Variants in SAMSN1 observed in about 807,000 individuals in gnomAD.
The protein encoded by SAMSN1 is SAM domain, SH3 domain and nuclear localization signals 1.
In SAMSN1, 31 loss-of-function variants were observed where a neutral mutation model predicts 42.0. The ratio of observed to expected loss-of-function variants is 0.74; its 90% confidence interval spans 0.55 to 1.00. The LOEUF (loss-of-function observed/expected upper bound fraction) is 1.00, where lower values mean the gene tolerates loss of function less well. Ranked by LOEUF, SAMSN1 falls within the 50% of genes least tolerant of loss-of-function variation. The probability of loss-of-function intolerance (pLI) is 0.00; values close to 1 mark genes in which losing one functional copy is unlikely to be tolerated. For missense variants in SAMSN1, 464 were observed against 439.4 expected, an observed-to-expected ratio of 1.06 and a Z score of -0.50; for synonymous variants, 178 against 151.9, an observed-to-expected ratio of 1.17 and a Z score of -1.26.
At chr21:14,548,984 T>C (rs1980515430), upstream of SAMSN1, among the ~76,000 whole-genome samples, 1 of 152,170 alleles carries the variant, frequency 6.6e-6, no homozygotes, top group Non-Finnish European at 1.5e-5. Flanking sequence ...TGCTTTACAA[T>C]ACCTTAATGG....
At chr21:14,631,905 A>G (rs1983340160) in intron 2 of SAMSN1, among the ~76,000 whole-genome samples, 1 of 152,122 alleles carries the variant, frequency 6.6e-6, no homozygotes, top group South Asian at 2.1e-4. Flanking sequence ...GTGTAGAAGA[A>G]GGAATAAGAA....
intron 1 of SAMSN1, among the ~76,000 whole-genome samples, chr21:14,647,462 A>G (rs909777272): frequency 6.7e-6 from 1 of 148,176 alleles, no homozygotes; most frequent in Non-Finnish European, 1.5e-5. Flanking sequence ...TTGACTTGGC[A>G]ATGTGGGCTC....
At chr21:14,552,779 T>C (rs1471276618) in intron 2 of SAMSN1, among the ~76,000 whole-genome samples, 2 of 152,146 alleles carry the variant, frequency 1.3e-5, no homozygotes, top group Non-Finnish European at 2.9e-5. Flanking sequence ...AGCTCTCCAA[T>C]TTCTATTTCT....
At chr21:14,506,714 A>G (rs1047047265) in intron 5 of SAMSN1, among the ~76,000 whole-genome samples, 5 of 152,134 alleles carry the variant, frequency 3.3e-5, no homozygotes, top group African/African-American at 4.8e-5. Flanking sequence ...TCACCCTAAT[A>G]CCAAAACCAG....
chr21:14,506,099 C>T (rs1987388749), intron 5 of SAMSN1, among the ~76,000 whole-genome samples: 1 of 150,496 alleles, frequency 6.6e-6, no homozygotes, highest in Admixed American at 6.6e-5. Flanking sequence ...GTGCATAGCC[C>T]TAAACACCTA....
intron 7 of SAMSN1, among the ~76,000 whole-genome samples, chr21:14,493,043 A>G (rs1056638345): frequency 1.3e-5 from 2 of 152,128 alleles, no homozygotes; most frequent in Admixed American, 6.5e-5. Flanking sequence ...CATAAATACA[A>G]ATCTCCCCTG....
chr21:14,626,768 C>A (rs1200694758), intron 2 of SAMSN1, among the ~76,000 whole-genome samples: 3 of 152,162 alleles, frequency 2.0e-5, no homozygotes, highest in Non-Finnish European at 4.4e-5. Context: ...CCAGCCATCC[C>A]ATTACTGGGT....
At chr21:14,641,790 A>G (rs148478024) in intron 2 of SAMSN1, among the ~76,000 whole-genome samples, 2 of 152,292 alleles carry the variant, frequency 1.3e-5, no homozygotes, top group Non-Finnish European at 1.5e-5. Flanking sequence ...GTTTATATGT[A>G]TTAAATTATA....
chr21:14,618,088 T>A (rs759769493), intron 2 of SAMSN1, among the ~76,000 whole-genome samples: 1 of 152,246 alleles, frequency 6.6e-6, no homozygotes, highest in Non-Finnish European at 1.5e-5. Context: ...TTACTATGTA[T>A]GTTGTCACAA....
rs368364591 is a variant in SAMSN1 at position 14,558,378 on chromosome 21, T to TA, written c.261+23757dup. 1.4e-3 allele frequency among the ~76,000 whole-genome samples: 207 copies of TA among 147,760 alleles called. 1 individual carries two copies. The highest frequency in any genetic ancestry group is 8.3e-3 in the East Asian group (42 of 5,064). ...GGAAACACGCATGCTACGAACTATTTAAAAAAAAAACACTTTCAGCTGGGC... is the reference window on the plus strand; with the variant it reads ...GGAAACACGCATGCTACGAACTATTTAAAAAAAAAAACACTTTCAGCTGGGC... On this transcript the variant is annotated intron_variant, in intron 2 of 8. Coordinates refer to the SAMSN1 transcript ENST00000285670.
At chr21:14,542,190 C>A (rs925830175) in intron 1 of SAMSN1, among the ~76,000 whole-genome samples, 1 of 152,162 alleles carries the variant, frequency 6.6e-6, no homozygotes, top group Non-Finnish European at 1.5e-5. Flanking sequence ...TCTCCATAAA[C>A]TTTAGCTGGC....
chr21:14,504,755 G>C (rs1987326206), intron 5 of SAMSN1, among the ~76,000 whole-genome samples: 1 of 152,160 alleles, frequency 6.6e-6, no homozygotes, highest in African/African-American at 2.4e-5. Context: ...CACGAACCTA[G>C]GAAATTCATT....
At chr21:14,631,777 G>A (rs1270904347) in intron 2 of SAMSN1, among the ~76,000 whole-genome samples, 3 of 152,070 alleles carry the variant, frequency 2.0e-5, no homozygotes, top group Non-Finnish European at 4.4e-5. Context: ...ACAGATGTTA[G>A]GCTTGATACT....
At chr21:14,583,689 G>A (rs369485723), upstream of SAMSN1, 59 of 717,444 alleles carry the variant, frequency 8.2e-5, 2 homozygotes, top group East Asian at 1.4e-3. Context: ...TCCAGATTCT[G>A]CACTCTGGCT....
chr21:14,485,845 T>C lies in SAMSN1; in HGVS notation c.*67A>G. 1 of 1,185,710 alleles carries C rather than the reference T, an allele frequency of 8.4e-7. No individual in the cohort carries two copies. Among genetic ancestry groups the C allele is most frequent in the Non-Finnish European group, 1.3e-6 (1 of 796,032 alleles). 73.4% of individuals were successfully genotyped at this position (1,185,710 alleles called of 1,614,324 possible). A position where few individuals can be genotyped will look rare whatever the true frequency, so the allele number is the denominator to read the frequency against. The stretch of plus-strand genomic sequence containing the variant: ...TATTTATCTTATCTTCCTCTCCTAT[T>C]TGACGTTTTAGCTCAAGAAGAGTTA... On this transcript the variant is annotated 3_prime_UTR_variant, in exon 8 of 8. Coordinates refer to ENST00000400566, the MANE Select transcript of SAMSN1 (RefSeq NM_022136.5).
intron 6 of SAMSN1, among the ~76,000 whole-genome samples, chr21:14,600,176 T>G (rs150653891): frequency 6.6e-6 from 1 of 152,212 alleles, no homozygotes; most frequent in East Asian, 1.9e-4. Flanking sequence ...TCCACTCTTA[T>G]GCACACTGAC....
chr21:14,564,283 T>G (rs1981040302), intron 2 of SAMSN1, among the ~76,000 whole-genome samples: 1 of 152,154 alleles, frequency 6.6e-6, no homozygotes, highest in Non-Finnish European at 1.5e-5. Context: ...ACTCTTATAC[T>G]CAGTCTCATT....
upstream of SAMSN1, among the ~76,000 whole-genome samples, chr21:14,584,049 A>G (rs1205916418): frequency 6.6e-6 from 1 of 151,858 alleles, no homozygotes; most frequent in African/African-American, 2.4e-5. Context: ...ATTCAGAAAT[A>G]TCTATAAATG....
chr21:14,486,059 G>A lies in SAMSN1; in HGVS notation c.975C>T (p.Ser325=), dbSNP rs757974096. The part of the protein sequence containing the change: ...PEPLSLSSDI[S]LNKSQLDDCP... ...AGTCATCTAACTGTGACTTATTTAA[G>A]GAGATGTCTGAGCTCAAGGATAGGG... Residue 325 remains serine, a synonymous_variant, in exon 8 of 8, where the codon TCC becomes TCT. Coordinates refer to ENST00000400566, the MANE Select transcript of SAMSN1 (RefSeq NM_022136.5). The A allele has an allele frequency of 1.9e-6, 3 of 1,613,546 alleles. No homozygotes were observed. The highest frequency in any genetic ancestry group is 2.7e-5 in the African/African-American group (2 of 74,862).
Sources: allele counts gnomAD v4.1 joint callset (sites outside exome capture counted in the v4.1 genomes callset), GRCh38; gene constraint gnomAD v4.1.1; transcripts MANE v1.5; gene names NCBI Gene and HGNC (gene_info 2026-07-23, HGNC 2026-07-21).